The following CTNNA3 variants were observed in gnomAD, a reference collection of about 807,000 sequenced individuals.
CTNNA3 encodes catenin alpha 3, also known as catenin alpha-3.
Under a neutral mutation model 95.7 loss-of-function variants are expected in CTNNA3, and 76 were observed. That is an observed-to-expected ratio of 0.79 (90% CI 0.66 to 0.96). The LOEUF (loss-of-function observed/expected upper bound fraction) is 0.96, where lower values mean the gene tolerates loss of function less well. CTNNA3 is among the 40% of genes least tolerant of loss of function. The pLI is 0.00. For synonymous variants in CTNNA3, 431 were observed against 374.4 expected (o/e 1.15, Z -1.74); for missense variants, 1,191 against 1,089.8 (o/e 1.09, Z -1.31).
intron 15 of CTNNA3, among the ~76,000 whole-genome samples, chr10:66,061,529 C>A (rs2080199143): frequency 6.6e-6 from 1 of 152,076 alleles, no homozygotes; most frequent in Non-Finnish European, 1.5e-5. Flanking sequence ...TTCCATTATG[C>A]CCCTACCATG....
intron 12 of CTNNA3, among the ~76,000 whole-genome samples, chr10:66,309,384 A>C (rs1312959978): frequency 2.6e-5 from 4 of 152,114 alleles, no homozygotes; most frequent in African/African-American, 9.7e-5. Flanking sequence ...CTGGAGCTCA[A>C]AATTCTGTCA....
rs551059482 is a variant in CTNNA3 at position 66,569,020 on chromosome 10, G to A, written c.1375-48247C>T. On this transcript the variant is annotated intron_variant, in intron 10 of 17. Coordinates refer to ENST00000433211, the MANE Select transcript of CTNNA3 (RefSeq NM_013266.4). Reference sequence around the variant, plus strand: ...CTGCAGGAGCTGTGGCCTTGGAAAGGAACATGCCCTCTGATAAACTGTGGC... The same window carrying A: ...CTGCAGGAGCTGTGGCCTTGGAAAGAAACATGCCCTCTGATAAACTGTGGC... 3.9e-5 allele frequency among the ~76,000 whole-genome samples: 6 copies of A among 152,050 alleles called. No homozygotes were observed. The East Asian group carries it at 9.8e-4, about 25-fold the overall frequency.
chr10:67,071,420 T>C (rs961829839), intron 7 of CTNNA3, among the ~76,000 whole-genome samples: 1 of 151,922 alleles, frequency 6.6e-6, no homozygotes, highest in African/African-American at 2.4e-5. Flanking sequence ...TTTGCAGTTA[T>C]CTTCTCTCAA....
At chr10:67,604,775 A>G (rs1049195935) in intron 3 of CTNNA3, among the ~76,000 whole-genome samples, 1 of 152,252 alleles carries the variant, frequency 6.6e-6, no homozygotes, top group Non-Finnish European at 1.5e-5. Context: ...GGAAGAGTCT[A>G]AACTGGCTTG....
At chr10:66,278,552 G>A (rs953386176) in intron 13 of CTNNA3, among the ~76,000 whole-genome samples, 1 of 152,008 alleles carries the variant, frequency 6.6e-6, no homozygotes, top group Non-Finnish European at 1.5e-5. Flanking sequence ...GAGGACCACT[G>A]TATATGAGGA....
intron 11 of CTNNA3, among the ~76,000 whole-genome samples, chr10:66,505,309 A>G (rs543120937): frequency 6.6e-6 from 1 of 152,336 alleles, no homozygotes; most frequent in East Asian, 1.9e-4. Flanking sequence ...TAAAGCAATA[A>G]TGGATTACTT....
intron 12 of CTNNA3, among the ~76,000 whole-genome samples, chr10:66,303,696 G>A (rs961458737): frequency 2.1e-4 from 32 of 152,180 alleles, no homozygotes; most frequent in African/African-American, 6.7e-4. Flanking sequence ...GTGTAGTGGC[G>A]CGATCTCAGC....
chr10:67,177,025 G>A (rs1564944811), intron 7 of CTNNA3: 1 of 465,178 alleles, frequency 2.1e-6, no homozygotes, highest in African/African-American at 2.0e-5. Context: ...CACTAAGTGT[G>A]TGGTAATTTG....
At chr10:66,840,345 C>G (rs1843011408) in intron 7 of CTNNA3, among the ~76,000 whole-genome samples, 1 of 120,474 alleles carries the variant, frequency 8.3e-6, no homozygotes, top group South Asian at 2.9e-4. Flanking sequence ...CTCTCTCTCT[C>G]TCTCTCTCTC....
chr10:65,960,451 G>A (rs369002948), intron 17 of CTNNA3, among the ~76,000 whole-genome samples: 1 of 152,052 alleles, frequency 6.6e-6, no homozygotes, highest in African/African-American at 2.4e-5. Flanking sequence ...CATGAACCCA[G>A]GAGGCGGAGC....
Position 66,960,319 on chromosome 10 carries a change from A to C in CTNNA3, c.1048-184795T>G, listed in dbSNP as rs1433350050. Among the ~76,000 whole-genome samples, 3 of 152,280 alleles carry C rather than the reference A, an allele frequency of 2.0e-5. No individual in the cohort carries two copies. In the East Asian group the frequency reaches 5.8e-4, roughly 29 times the overall value. ...TGGAGCATTTTTGCATTTCTATATC[A>C]CTTCCAACTCAGCTTCATTTTGATT... On this transcript the variant is annotated intron_variant, in intron 7 of 17. Transcript: ENST00000433211.
At chr10:67,207,343 T>C (rs2132229467) in intron 6 of CTNNA3, among the ~76,000 whole-genome samples, 1 of 152,298 alleles carries the variant, frequency 6.6e-6, no homozygotes, top group Admixed American at 6.5e-5. Context: ...TTTCTATAGG[T>C]GACAAAGTCT....
chr10:66,193,159 T>C (rs567972711), intron 13 of CTNNA3, among the ~76,000 whole-genome samples: 2 of 152,312 alleles, frequency 1.3e-5, no homozygotes, highest in African/African-American at 4.8e-5. Flanking sequence ...ATATTTATTC[T>C]CAAGAAACCA....
At chr10:65,940,678 AT>A (rs761663693) in intron 17 of CTNNA3, among the ~76,000 whole-genome samples, 2 of 151,698 alleles carry the variant, frequency 1.3e-5, no homozygotes, top group Admixed American at 6.6e-5. Flanking sequence ...CAGTGAAACA[AT>A]TTTTTTTTCT....
chr10:66,331,767 A>T (rs1046439089), intron 12 of CTNNA3, among the ~76,000 whole-genome samples: 3 of 151,796 alleles, frequency 2.0e-5, no homozygotes, highest in Admixed American at 1.3e-4. Context: ...TTGGCTTAGG[A>T]TTGACTTGGC....
intron 3 of CTNNA3, among the ~76,000 whole-genome samples, chr10:67,577,532 T>C (rs1482357365): frequency 6.6e-6 from 1 of 152,116 alleles, no homozygotes; most frequent in African/African-American, 2.4e-5. Context: ...TTAGTTTAAT[T>C]AGATCCCATT....
chr10:66,973,937 C>T (rs1204577155), intron 7 of CTNNA3, among the ~76,000 whole-genome samples: 1 of 152,080 alleles, frequency 6.6e-6, no homozygotes, highest in African/African-American at 2.4e-5. Context: ...TATTTTTAAT[C>T]AACTTTATTG....
At chr10:66,122,612 T>C (rs577993342) in intron 13 of CTNNA3, among the ~76,000 whole-genome samples, 5 of 152,180 alleles carry the variant, frequency 3.3e-5, no homozygotes, top group Non-Finnish European at 5.9e-5. Flanking sequence ...GATAGGATAC[T>C]TATAATCAGA....
chr10:66,560,319 C>G (rs774046695), intron 10 of CTNNA3, among the ~76,000 whole-genome samples: 13 of 151,956 alleles, frequency 8.6e-5, no homozygotes, highest in Admixed American at 4.6e-4. Context: ...ATCTGTAAAA[C>G]AGTAACCTAC....
Sources: gnomAD v4.1 joint callset for allele counts (sites outside exome capture counted in the v4.1 genomes callset) on GRCh38, gnomAD v4.1.1 for gene constraint, MANE v1.5 for transcripts, NCBI Gene and HGNC (gene_info 2026-07-23, HGNC 2026-07-21) for gene names.